Variants in RPS6KC1 observed in about 807,000 individuals in gnomAD.
RPS6KC1 encodes the protein ribosomal protein S6 kinase C1, also known as inactive ribosomal protein S6 kinase delta-1.
In RPS6KC1, 54 loss-of-function variants were observed where a neutral mutation model predicts 103.8. That is an observed-to-expected ratio of 0.52 (90% CI 0.42 to 0.65). RPS6KC1 has a LOEUF of 0.65. RPS6KC1 is among the 30% of genes least tolerant of loss of function. The pLI is 0.00. For synonymous variants in RPS6KC1, 439 were observed against 438.7 expected, an observed-to-expected ratio of 1.00 and a Z score of -0.01; for missense variants, 1,151 against 1,253.8, an observed-to-expected ratio of 0.92 and a Z score of 1.24.
the RPS6KC1 span, among the ~76,000 whole-genome samples, chr1:213,620,307 G>A: frequency 6.0e-4 from 91 of 152,342 alleles, no homozygotes; most frequent in African/African-American, 2.1e-3. Flanking sequence ...AGATGGGCTG[G>A]TTTCTGGGGT....
the RPS6KC1 span, among the ~76,000 whole-genome samples, chr1:213,571,071 G>A: frequency 1.3e-5 from 2 of 152,144 alleles, no homozygotes; most frequent in African/African-American, 4.8e-5. Flanking sequence ...TTGCTTTACC[G>A]AATAGACGAA....
chr1:213,848,731 A>T, the RPS6KC1 span, among the ~76,000 whole-genome samples: 4 of 152,182 alleles, frequency 2.6e-5, no homozygotes, highest in African/African-American at 9.7e-5. Context: ...AATAACATAG[A>T]TGTTTATAGA....
At chr1:213,507,518 A>G in the RPS6KC1 span, among the ~76,000 whole-genome samples, 3 of 151,732 alleles carry the variant, frequency 2.0e-5, no homozygotes, top group African/African-American at 7.3e-5. Context: ...ATAACTTTAT[A>G]CAGTCTGAGA....
At chr1:213,441,011 G>A in the RPS6KC1 span, among the ~76,000 whole-genome samples, 8 of 152,172 alleles carry the variant, frequency 5.3e-5, no homozygotes, top group South Asian at 1.5e-3. Flanking sequence ...GCTCTCCCCC[G>A]TTCAAGTGGA....
intron 3 of RPS6KC1, among the ~76,000 whole-genome samples, chr1:213,079,539 TC>T (rs1057155296): frequency 6.6e-6 from 1 of 152,084 alleles, no homozygotes; most frequent in African/African-American, 2.4e-5. Flanking sequence ...TTCCTTGGCT[TC>T]CCAGGTAGCT....
chr1:213,174,531 A>AGGGTGGT (rs2091722633), intron 7 of RPS6KC1, among the ~76,000 whole-genome samples: 1 of 152,012 alleles, frequency 6.6e-6, no homozygotes, highest in Non-Finnish European at 1.5e-5. Flanking sequence ...TTAGCTGGGC[A>AGGGTGGT]TGGTGGTAGG....
chr1:213,222,383 T>A (rs1402497463), intron 8 of RPS6KC1, among the ~76,000 whole-genome samples: 1 of 152,238 alleles, frequency 6.6e-6, no homozygotes, highest in African/African-American at 2.4e-5. Context: ...TTACTCTTTA[T>A]GCTTGAATTT....
intron 12 of RPS6KC1, among the ~76,000 whole-genome samples, chr1:213,259,609 A>G (rs977227512): frequency 3.3e-5 from 5 of 152,122 alleles, no homozygotes; most frequent in Admixed American, 6.6e-5. Flanking sequence ...ACATCTTGTC[A>G]TGTTTTCTTA....
At chr1:213,221,746 C>T (rs1359869110) in intron 8 of RPS6KC1, among the ~76,000 whole-genome samples, 3 of 151,968 alleles carry the variant, frequency 2.0e-5, no homozygotes, top group African/African-American at 7.3e-5. Flanking sequence ...CTGTTTCTAC[C>T]CCAGTTTGTT....
At chr1:213,416,227 G>A in the RPS6KC1 span, among the ~76,000 whole-genome samples, 2 of 152,214 alleles carry the variant, frequency 1.3e-5, no homozygotes, top group African/African-American at 4.8e-5. Context: ...CTCCCATGGG[G>A]GCAAACCCAC....
At chr1:213,127,673 G>A (rs1405270286) in intron 5 of RPS6KC1, among the ~76,000 whole-genome samples, 1 of 152,138 alleles carries the variant, frequency 6.6e-6, no homozygotes, top group African/African-American at 2.4e-5. Flanking sequence ...ATTATTTGTT[G>A]CCAATCATAA....
the RPS6KC1 span, among the ~76,000 whole-genome samples, chr1:213,435,914 A>C: frequency 6.7e-6 from 1 of 149,884 alleles, no homozygotes; most frequent in African/African-American, 2.5e-5. Flanking sequence ...TCTGAATTCC[A>C]TCTCCTCAAG....
the RPS6KC1 span, among the ~76,000 whole-genome samples, chr1:213,536,381 C>A: frequency 6.6e-6 from 1 of 152,074 alleles, no homozygotes; most frequent in Non-Finnish European, 1.5e-5. Flanking sequence ...CCTTCTATTA[C>A]GGAATTTATG....
At chr1:213,378,788 C>T in the RPS6KC1 span, among the ~76,000 whole-genome samples, 1 of 152,168 alleles carries the variant, frequency 6.6e-6, no homozygotes, top group Non-Finnish European at 1.5e-5. Context: ...CATAAGAGAA[C>T]GAGGCCCTAG....
the RPS6KC1 span, among the ~76,000 whole-genome samples, chr1:213,831,201 C>G: frequency 6.6e-6 from 1 of 152,224 alleles, no homozygotes; most frequent in Admixed American, 6.5e-5. Context: ...TCCTAATCCC[C>G]AGAACCTGTG....
At chr1:213,066,784 T>TGA (rs1358624645) in intron 1 of RPS6KC1, among the ~76,000 whole-genome samples, 2 of 152,218 alleles carry the variant, frequency 1.3e-5, no homozygotes, top group Non-Finnish European at 2.9e-5. Flanking sequence ...TTGTGATGGA[T>TGA]GAGAGGTCTG....
At chr1:213,316,447 T>G in the RPS6KC1 span, among the ~76,000 whole-genome samples, 1 of 152,228 alleles carries the variant, frequency 6.6e-6, no homozygotes, top group Non-Finnish European at 1.5e-5. Flanking sequence ...TAAATTACAT[T>G]ACCAAATTGG....
chr1:213,491,932 T>C, the RPS6KC1 span, among the ~76,000 whole-genome samples: 1 of 152,130 alleles, frequency 6.6e-6, no homozygotes, highest in African/African-American at 2.4e-5. Context: ...AAACACTATA[T>C]ATAAACTGCA....
chr1:213,825,204 C>A, the RPS6KC1 span, among the ~76,000 whole-genome samples: 3 of 152,214 alleles, frequency 2.0e-5, no homozygotes, highest in Non-Finnish European at 4.4e-5. Flanking sequence ...CTCTTGGATG[C>A]ACCAAATGCT....
Sources: gnomAD v4.1 joint callset for allele counts (sites outside exome capture counted in the v4.1 genomes callset) on GRCh38, gnomAD v4.1.1 for gene constraint, MANE v1.5 for transcripts, NCBI Gene and HGNC (gene_info 2026-07-23, HGNC 2026-07-21) for gene names.